The following DNAJC17 variants were observed in gnomAD, a reference collection of about 807,000 sequenced individuals.
The protein encoded by DNAJC17 is dnaJ homolog subfamily C member 17.
Under a neutral mutation model 48.1 loss-of-function variants are expected in DNAJC17, and 35 were observed. That is an observed-to-expected ratio of 0.73 (90% CI 0.56 to 0.96). The LOEUF is 0.96. DNAJC17 is among the 50% of genes least tolerant of loss of function. The probability of loss-of-function intolerance (pLI) is 0.00; values close to 1 mark genes in which losing one functional copy is unlikely to be tolerated. For missense variants in DNAJC17, 355 were observed against 377.1 expected (o/e 0.94, Z 0.48); for synonymous variants, 117 against 142.7 (o/e 0.82, Z 1.28).
intron 3 of DNAJC17, 92 bp from the exon 4 acceptor site, chr15:40,779,402 C>G: frequency 1.3e-6 from 2 of 1,559,034 alleles, no homozygotes; most frequent in South Asian, 1.1e-5. Flanking sequence ...CACGAGCCAT[C>G]AGAGTGGCAG....
At chr15:40,789,740 T>G (rs1889741726) in intron 1 of DNAJC17, among the ~76,000 whole-genome samples, 1 of 151,578 alleles carries the variant, frequency 6.6e-6, no homozygotes, top group South Asian at 2.1e-4. Context: ...TGTCTTCCCT[T>G]AATGCATTGT....
intron 1 of DNAJC17, among the ~76,000 whole-genome samples, chr15:40,793,775 G>C (rs1329802468): frequency 6.6e-6 from 1 of 152,016 alleles, no homozygotes; most frequent in South Asian, 2.1e-4. Context: ...AAATGCTTAC[G>C]TGGATCAAGC....
intron 1 of DNAJC17, among the ~76,000 whole-genome samples, chr15:40,781,751 C>G (rs539078721): frequency 5.3e-5 from 8 of 150,680 alleles, no homozygotes; most frequent in Non-Finnish European, 1.0e-4. Flanking sequence ...GAAACCCCGT[C>G]TCTACTAAAA....
At chr15:40,775,166 A>G (rs937603962) in intron 7 of DNAJC17, 58 bp from the exon 8 acceptor site, 4 of 1,569,628 alleles carry the variant, frequency 2.5e-6, no homozygotes, top group Non-Finnish European at 2.6e-6. Flanking sequence ...TCACCCCACG[A>G]CTGAGCTTGA....
chr15:40,774,609 A>T (rs556625852), intron 8 of DNAJC17, among the ~76,000 whole-genome samples, 173 bp from the exon 9 acceptor site: 3 of 152,406 alleles, frequency 2.0e-5, no homozygotes, highest in Non-Finnish European at 4.4e-5. Context: ...GGAAAGAAAG[A>T]AATTTTTTTC....
intron 1 of DNAJC17, 30 bp downstream of exon 1, chr15:40,807,339 A>C (rs984783421): frequency 1.2e-6 from 2 of 1,614,110 alleles, no homozygotes; most frequent in Admixed American, 1.7e-5. Flanking sequence ...CAGACCTCTC[A>C]AGATCAGCCT....
chr15:40,773,698 G>A (rs373529791), intron 10 of DNAJC17, 29 bp downstream of exon 10: 21 of 1,578,342 alleles, frequency 1.3e-5, no homozygotes, highest in South Asian at 5.6e-5. Context: ...AGACCTGAGC[G>A]CCCAGCCGGG....
intron 1 of DNAJC17, among the ~76,000 whole-genome samples, chr15:40,791,571 G>A (rs1317337668): frequency 6.6e-6 from 1 of 151,900 alleles, no homozygotes; most frequent in Non-Finnish European, 1.5e-5. Flanking sequence ...GCAGCTGGTC[G>A]CAGTGGCTCA....
chr15:40,774,330 G>C, intron 9 of DNAJC17, 26 bp downstream of exon 9: 1 of 1,613,050 alleles, frequency 6.2e-7, no homozygotes, highest in South Asian at 1.1e-5. Context: ...GCCACGAGGG[G>C]CCCCCAAGCC....
chr15:40,784,958 C>T (rs919208774), intron 1 of DNAJC17, among the ~76,000 whole-genome samples: 1 of 152,016 alleles, frequency 6.6e-6, no homozygotes, highest in African/African-American at 2.4e-5. Flanking sequence ...ATTAGCTGGG[C>T]ATGGTGGTGG....
intron 1 of DNAJC17, among the ~76,000 whole-genome samples, chr15:40,790,124 T>C (rs1462848026): frequency 6.6e-6 from 1 of 152,192 alleles, no homozygotes; most frequent in African/African-American, 2.4e-5. Context: ...AGCAGCTTAC[T>C]ACCTGCTGGG....
chr15:40,778,492 C>A (rs966446089), intron 4 of DNAJC17, among the ~76,000 whole-genome samples: 2 of 152,074 alleles, frequency 1.3e-5, no homozygotes, highest in African/African-American at 4.8e-5. Flanking sequence ...ACGTCGTGAT[C>A]CACCCGCCTC....
Position 40,768,024 on chromosome 15 carries a change from G to A in DNAJC17, c.831C>T (p.Val277=). The change falls in exon 11 of 11, where the codon GTC becomes GTT. Residue 277 remains valine, a synonymous_variant. Coordinates refer to ENST00000220496, the MANE Select transcript of DNAJC17 (RefSeq NM_018163.3). The part of the protein sequence containing the change: ...VLSERDYESL[V]MMRMRQAAER... ...CGGCCGCCTGGCGCATGCGCATCATGACGAGGCTCTCGTAGTCCCTCTCTG... is the reference window on the plus strand; with the variant it reads ...CGGCCGCCTGGCGCATGCGCATCATAACGAGGCTCTCGTAGTCCCTCTCTG... 2.5e-6 allele frequency: 4 copies of A among 1,598,636 alleles called. No individual in the cohort carries two copies. The highest frequency in any genetic ancestry group is 3.4e-6 in the Non-Finnish European group (4 of 1,174,564).
chr15:40,798,185 C>CTACA (rs1429547658), intron 1 of DNAJC17, among the ~76,000 whole-genome samples: 1 of 152,192 alleles, frequency 6.6e-6, no homozygotes, highest in Non-Finnish European at 1.5e-5. Flanking sequence ...CTGACACATG[C>CTACA]TACAACATGG....
Position 40,775,015 on chromosome 15 carries a change from C to T in DNAJC17, c.600+16G>A, listed in dbSNP as rs886555895. The stretch of plus-strand genomic sequence containing the variant: ...GACTGAGATGATAGGAAAGAGTGGA[C>T]GTCAACAGGGCCGACCTTCTGCAAA... On this transcript the variant is annotated intron_variant, in intron 8 of 10. Coordinates refer to ENST00000220496, the MANE Select transcript of DNAJC17 (RefSeq NM_018163.3). 6 of 1,613,844 alleles carry T rather than the reference C, an allele frequency of 3.7e-6. No individual in the cohort carries two copies. Among genetic ancestry groups the T allele is most frequent in the Admixed American group, 3.3e-5 (2 of 59,986 alleles).
In DNAJC17 at chr15:40,776,522, C is replaced by T. The variant is rs770325330; in HGVS notation, c.381+20G>A. 6.2e-7 allele frequency: 1 copy of T among 1,613,624 alleles called. No individual in the cohort carries two copies. Among genetic ancestry groups the T allele is most frequent in the African/African-American group, 1.3e-5 (1 of 74,936 alleles). On this transcript the variant is annotated intron_variant, in intron 5 of 10. Transcript: ENST00000220496. Reference sequence around the variant, plus strand: ...CTCCTCCTGCAGGTGGCCTTCTGGCCAGTGTGCCTGAGTGCTCACCTCTTG... The same window carrying T: ...CTCCTCCTGCAGGTGGCCTTCTGGCTAGTGTGCCTGAGTGCTCACCTCTTG...
At chr15:40,786,504 GAGAA>G (rs1889646428) in intron 1 of DNAJC17, among the ~76,000 whole-genome samples, 1 of 152,020 alleles carries the variant, frequency 6.6e-6, no homozygotes, top group East Asian at 2.0e-4. Context: ...TCTCTAAAAA[GAGAA>G]AGAAAGAAAC....
At chr15:40,768,859 T>C (rs73398515) in intron 10 of DNAJC17, among the ~76,000 whole-genome samples, 97 of 152,230 alleles carry the variant, frequency 6.4e-4, no homozygotes, top group African/African-American at 2.3e-3. Context: ...CTCAGAGAAG[T>C]GTGAAGCACA....
chr15:40,807,443 C>G lies in DNAJC17; in HGVS notation c.4G>C (p.Ala2Pro). M[A>P]VTKELLQMDL... The stretch of plus-strand genomic sequence containing the variant: ...ATCTGTAAGAGCTCCTTGGTCACTG[C>G]CATGGTTCCGGCCTGACGGATTCGT... Residue 2 changes from alanine (A) to proline (P), a missense_variant, in exon 1 of 11, where the codon GCA (alanine) becomes CCA (proline). Ala to Pro is a conservative substitution (Grantham distance 27). Around this residue, in one of 3 missense-constraint regions of DNAJC17, gnomAD observed 199 missense variants for 199.9 expected, o/e 1.00. Transcript: ENST00000220496. 1 of 1,614,216 alleles carries G rather than the reference C, an allele frequency of 6.2e-7. No individual in the cohort carries two copies. The highest frequency in any genetic ancestry group is 8.5e-7 in the Non-Finnish European group (1 of 1,180,024).
Sources: gnomAD v4.1 joint callset for allele counts (sites outside exome capture counted in the v4.1 genomes callset) on GRCh38, gnomAD v4.1.1 for gene constraint, gnomAD v4.1.1 regional missense constraint, MANE v1.5 for transcripts, NCBI Gene and HGNC (gene_info 2026-07-23, HGNC 2026-07-21) for gene names.